The following ERMP1 variants were observed in gnomAD, a reference collection of about 807,000 sequenced individuals.
ERMP1 encodes the protein endoplasmic reticulum metallopeptidase 1, also known as Felix-ina.
In ERMP1, 86 loss-of-function variants were observed where a neutral mutation model predicts 92.0. The ratio of observed to expected loss-of-function variants is 0.93; its 90% CI spans 0.79 to 1.12. The LOEUF is 1.12. Ranked by LOEUF, ERMP1 falls within the 50% of genes most tolerant of loss-of-function variation. The pLI, the probability that ERMP1 is intolerant of heterozygous loss-of-function variation, is 0.00. For missense variants in ERMP1, 1,342 were observed against 1,116.3 expected (o/e 1.20, Z -2.88); for synonymous variants, 530 against 412.8 (o/e 1.28, Z -3.44).
At chr9:5,857,096 T>C (rs1196732726) in intron 6 of ERMP1, among the ~76,000 whole-genome samples, 1 of 152,130 alleles carries the variant, frequency 6.6e-6, no homozygotes, top group Non-Finnish European at 1.5e-5. Flanking sequence ...TTATAGCTCA[T>C]TGCAGCCTTG....
At chr9:5,825,025 A>G (rs1031026664) in intron 3 of ERMP1, 67 bp downstream of exon 3, 1 of 1,487,258 alleles carries the variant, frequency 6.7e-7, no homozygotes, top group African/African-American at 1.4e-5. Context: ...TTTAGTAAAT[A>G]ATATTTAGCT....
At chr9:5,839,441 G>C (rs1348561071) in intron 6 of ERMP1, among the ~76,000 whole-genome samples, 1 of 152,208 alleles carries the variant, frequency 6.6e-6, no homozygotes, top group Non-Finnish European at 1.5e-5. Flanking sequence ...TCTCCACTGG[G>C]CTGCAGTGGC....
At chr9:5,824,042 C>G in intron 3 of ERMP1, 41 bp from the exon 4 acceptor site, 1 of 1,504,614 alleles carries the variant, frequency 6.6e-7, no homozygotes, top group South Asian at 1.1e-5. Context: ...GTTAAACAAT[C>G]TTAAATTATC....
intron 2 of ERMP1, among the ~76,000 whole-genome samples, chr9:5,828,217 A>G (rs1211661598): frequency 6.6e-6 from 1 of 152,208 alleles, no homozygotes; most frequent in Non-Finnish European, 1.5e-5. Context: ...CACATATACA[A>G]TCTGTAACAT....
At chr9:5,795,740 T>C (rs1828397761) in intron 13 of ERMP1, among the ~76,000 whole-genome samples, 1 of 152,072 alleles carries the variant, frequency 6.6e-6, no homozygotes, top group South Asian at 2.1e-4. Context: ...ATCGTACCAC[T>C]GCACTCCAGC....
At chr9:5,827,921 T>A (rs755757994) in intron 2 of ERMP1, among the ~76,000 whole-genome samples, 1 of 152,074 alleles carries the variant, frequency 6.6e-6, no homozygotes, top group Non-Finnish European at 1.5e-5. Flanking sequence ...GAGCTTGCAG[T>A]GAGCCGAGAT....
chr9:5,790,860 C>T (rs1818902994), intron 13 of ERMP1, among the ~76,000 whole-genome samples: 1 of 151,980 alleles, frequency 6.6e-6, no homozygotes. Context: ...ATCAATTGAG[C>T]TTTGTGGGGT....
In ERMP1 at chr9:5,845,107, G is replaced by C. The variant is rs939411974; in HGVS notation, n.3200-11795C>G. 4.6e-5 allele frequency among the ~76,000 whole-genome samples: 7 copies of C among 150,782 alleles called. No homozygotes were observed. The South Asian group carries it at 1.5e-3, about 32-fold the overall frequency. On this transcript the variant is annotated intron_variant and non_coding_transcript_variant, in intron 6 of 6. Transcript: ENST00000690753. Reference sequence around the variant, plus strand: ...TGTCGAGCCTAAAACTTGAATCATCGTGTTTTGTTTTTGTTTCCATTGGGA... The same window carrying C: ...TGTCGAGCCTAAAACTTGAATCATCCTGTTTTGTTTTTGTTTCCATTGGGA...
At chr9:5,842,709 C>T (rs1182391684) in intron 6 of ERMP1, among the ~76,000 whole-genome samples, 1 of 152,196 alleles carries the variant, frequency 6.6e-6, no homozygotes, top group African/African-American at 2.4e-5. Flanking sequence ...CCATTTGCTA[C>T]TCTGTTGCTG....
chr9:5,798,004 T>C, intron 12 of ERMP1, 72 bp from the exon 13 acceptor site: 1 of 921,486 alleles, frequency 1.1e-6, no homozygotes, highest in East Asian at 2.4e-5. Flanking sequence ...ACAGAACTGT[T>C]CAGCATATAT....
chr9:5,831,034 A>C lies in ERMP1; in HGVS notation c.339-6T>G. ...TTATGTGTTCAAGATAATCCCTGGA[A>C]GTAACCAAAAGAATAACAAAGGTTT... On this transcript the variant is annotated splice_polypyrimidine_tract_variant and splice_region_variant and intron_variant, in intron 1 of 14. Coordinates refer to ENST00000339450, the MANE Select transcript of ERMP1 (RefSeq NM_024896.3). 1 of 1,598,912 alleles carries C rather than the reference A, an allele frequency of 6.3e-7. No homozygotes were observed. The highest frequency in any genetic ancestry group is 8.5e-7 in the Non-Finnish European group (1 of 1,170,512).
chr9:5,841,503 G>C (rs975459394), intron 6 of ERMP1, among the ~76,000 whole-genome samples: 1 of 152,184 alleles, frequency 6.6e-6, no homozygotes, highest in African/African-American at 2.4e-5. Flanking sequence ...TCTGGGTGAA[G>C]AAAATGTTTT....
At chr9:5,824,089 G>A in intron 3 of ERMP1, 88 bp from the exon 4 acceptor site, 1 of 945,670 alleles carries the variant, frequency 1.1e-6, no homozygotes, top group East Asian at 2.5e-5. Flanking sequence ...AGACTACTTT[G>A]ATGAGGTAAG....
Position 5,785,822 on chromosome 9 carries a change from A to G in ERMP1, c.*1322T>C, listed in dbSNP as rs766297524. The G allele has an allele frequency of 6.6e-6, 1 of 152,170 alleles. No homozygotes were observed. The highest frequency in any genetic ancestry group is 2.4e-5 in the African/African-American group (1 of 41,424). 9.4% of individuals were successfully genotyped at this position (152,170 alleles called of 1,614,324 possible). On this transcript the variant is annotated 3_prime_UTR_variant, in exon 15 of 15. Transcript: ENST00000339450. ...TTTCTTTCAACTTTTTGTCCTTGTT[A>G]AAACTCAAAATTTGTCCAACGTTTC...
chr9:5,801,197 C>T lies in ERMP1; in HGVS notation c.2046G>A (p.Lys682=). ...FPYSSNPANP[K]PKRVFLQHMT... is the part of the protein sequence containing the mutation. ...TCACCTGAAGAAACACTCTCTTTGG[C>T]TTCGGATTAGCAGGATTGGAGCTAT... The change falls in exon 11 of 15, where the codon AAG becomes AAA. Residue 682 remains lysine (K), a synonymous_variant. Coordinates refer to ENST00000339450, the MANE Select transcript of ERMP1 (RefSeq NM_024896.3). 1 of 1,612,406 alleles carries T rather than the reference C, an allele frequency of 6.2e-7. No individual in the cohort carries two copies. Among genetic ancestry groups the T allele is most frequent in the Non-Finnish European group, 8.5e-7 (1 of 1,179,358 alleles).
chr9:5,818,643 A>G (rs887077707), intron 4 of ERMP1, among the ~76,000 whole-genome samples: 1 of 152,008 alleles, frequency 6.6e-6, no homozygotes, highest in African/African-American at 2.4e-5. Flanking sequence ...TGAGCCCAGG[A>G]GCTGGAAACC....
chr9:5,811,390 G>C, intron 6 of ERMP1, 67 bp from the exon 7 acceptor site: 3 of 1,195,718 alleles, frequency 2.5e-6, no homozygotes, highest in South Asian at 1.4e-5. Context: ...TAAACTATTT[G>C]TGATTTACAC....
At chr9:5,821,376 T>C (rs62558101) in intron 4 of ERMP1, among the ~76,000 whole-genome samples, 4,495 of 152,316 alleles carry the variant, frequency 0.03, 76 homozygotes, top group Admixed American at 0.043. Context: ...GCTAGGAGCA[T>C]TATTAACAGT....
chr9:5,814,179 G>A (rs959660623), intron 4 of ERMP1, among the ~76,000 whole-genome samples: 2 of 151,852 alleles, frequency 1.3e-5, no homozygotes, highest in African/African-American at 4.8e-5. Flanking sequence ...TCCCTTATAG[G>A]GGCTTCTCCT....
Sources: allele counts gnomAD v4.1 joint callset (sites outside exome capture counted in the v4.1 genomes callset), GRCh38; gene constraint gnomAD v4.1.1; transcripts MANE v1.5; gene names NCBI Gene and HGNC (gene_info 2026-07-23, HGNC 2026-07-21).